The following TAF1B variants were observed in gnomAD, a reference collection of about 807,000 sequenced individuals.
TAF1B encodes TATA box-binding protein-associated factor RNA polymerase I subunit B.
Under a neutral mutation model 83.9 loss-of-function variants are expected in TAF1B, and 61 were observed. That is an observed-to-expected ratio of 0.73 (90% CI 0.59 to 0.90). TAF1B has a LOEUF of 0.90. Among genes scored for constraint, TAF1B ranks in the 40% least tolerant of loss-of-function variants. The pLI is 0.00. For missense variants in TAF1B, 625 were observed against 677.0 expected (o/e 0.92, Z 0.85); for synonymous variants, 221 against 224.6 (o/e 0.98, Z 0.14).
intron 5 of TAF1B, among the ~76,000 whole-genome samples, chr2:9,856,387 T>G (rs570575423): frequency 6.6e-6 from 1 of 151,800 alleles, no homozygotes; most frequent in East Asian, 1.9e-4. Flanking sequence ...TTAAATAAAC[T>G]CAAGAGAAAT....
intron 8 of TAF1B, among the ~76,000 whole-genome samples, chr2:9,897,987 C>T (rs1039384161): frequency 6.6e-6 from 1 of 151,474 alleles, no homozygotes; most frequent in African/African-American, 2.4e-5. Context: ...AACCCCCCAC[C>T]CCGCCCCCAG....
chr2:9,926,051 C>A (rs1189590362), intron 14 of TAF1B, among the ~76,000 whole-genome samples: 1 of 151,498 alleles, frequency 6.6e-6, no homozygotes, highest in Non-Finnish European at 1.5e-5. Context: ...ATAAAGAACC[C>A]CCCGTCTCTG....
intron 8 of TAF1B, among the ~76,000 whole-genome samples, chr2:9,887,889 G>C (rs1160226269): frequency 6.6e-6 from 1 of 151,466 alleles, no homozygotes; most frequent in Non-Finnish European, 1.5e-5. Flanking sequence ...GTCTTATTCT[G>C]TCACCCAGAC....
chr2:9,918,991 A>G (rs1558267161), intron 12 of TAF1B, 50 bp from the exon 13 acceptor site: 1 of 1,450,860 alleles, frequency 6.9e-7, no homozygotes, highest in Admixed American at 1.8e-5. Flanking sequence ...CAATGTGTTT[A>G]TGTCCGTTTC....
At chr2:9,894,124 T>C (rs1242757882) in intron 8 of TAF1B, among the ~76,000 whole-genome samples, 1 of 152,208 alleles carries the variant, frequency 6.6e-6, no homozygotes, top group African/African-American at 2.4e-5. Context: ...AATGCTTCTA[T>C]TTTATTATCT....
intron 14 of TAF1B, among the ~76,000 whole-genome samples, chr2:9,920,845 G>A (rs1398894080): frequency 6.6e-6 from 1 of 152,134 alleles, no homozygotes; most frequent in Non-Finnish European, 1.5e-5. Flanking sequence ...ATTGGGTCTG[G>A]ATAAAATAGG....
rs370063775 is a variant in TAF1B, at chr2:9,854,402, C to A, written c.380C>A (p.Thr127Asn). 1.2e-6 allele frequency: 2 copies of A among 1,613,576 alleles called. No individual in the cohort carries two copies. The highest frequency in any genetic ancestry group is 2.2e-5 in the South Asian group (2 of 91,040). ...KQAYCKNPVY[T>N]TGRKPTVLED... ...GCATATTGTAAGAACCCAGTTTATA[C>A]CACTGGAAGGAAACCTACGGTAAGT... Residue 127 changes from threonine (T) to asparagine (N), a missense_variant, in exon 5 of 15, where the codon ACC (threonine) becomes AAC (asparagine). Thr to Asn is a moderately conservative substitution (Grantham distance 65). Coordinates refer to ENST00000263663, the MANE Select transcript of TAF1B (RefSeq NM_005680.3).
At chr2:9,899,184 T>C (rs188974589) in intron 8 of TAF1B, among the ~76,000 whole-genome samples, 2 of 152,300 alleles carry the variant, frequency 1.3e-5, no homozygotes, top group African/African-American at 4.8e-5. Context: ...TTCCAGCCTC[T>C]GGTAAACACC....
At chr2:9,911,880 C>T (rs1665544207) in intron 11 of TAF1B, among the ~76,000 whole-genome samples, 4 of 152,196 alleles carry the variant, frequency 2.6e-5, no homozygotes, top group Admixed American at 2.6e-4. Context: ...AGCCTTTGCT[C>T]TTGTTGGTCC....
rs528618842 is a variant in TAF1B at position 9,865,955 on chromosome 2, A to G, written c.400-2321A>G. On this transcript the variant is annotated intron_variant, in intron 5 of 14. Coordinates refer to ENST00000263663, the MANE Select transcript of TAF1B (RefSeq NM_005680.3). ...TTAATTCAAGATGGATTAAAGACTT[A>G]CATGTTAGACCTAAAACCATAAAAA... Among the ~76,000 whole-genome samples the G allele has an allele frequency of 1.1e-3, 171 of 151,724 alleles. 1 individual carries two copies. The South Asian group carries it at 0.012, about 11-fold the overall frequency.
intron 8 of TAF1B, among the ~76,000 whole-genome samples, chr2:9,890,390 T>C (rs540158920): frequency 6.6e-6 from 1 of 152,350 alleles, no homozygotes; most frequent in African/African-American, 2.4e-5. Flanking sequence ...CATTTAGAAA[T>C]AGAGTCAGTA....
chr2:9,919,772 T>C lies in TAF1B; in HGVS notation c.1517T>C (p.Leu506Pro). 6.2e-7 allele frequency: 1 copy of C among 1,614,200 alleles called. No individual in the cohort carries two copies. The highest frequency in any genetic ancestry group is 8.5e-7 in the Non-Finnish European group (1 of 1,180,022). The change falls in exon 14 of 15, where the codon CTG (leucine) becomes CCG (proline). Residue 506 changes from leucine (L) to proline (P), a missense_variant. Transcript: ENST00000263663. ...GVLKEKGQSL[L>P]TKNSLYWLST... ...CTGAAAGAGAAAGGCCAATCACTGCTGACTAAGAATTCATTATATTGGCTT... is the reference window on the plus strand; with the variant it reads ...CTGAAAGAGAAAGGCCAATCACTGCCGACTAAGAATTCATTATATTGGCTT...
intron 14 of TAF1B, among the ~76,000 whole-genome samples, chr2:9,922,664 A>G (rs902501408): frequency 6.6e-6 from 1 of 151,984 alleles, no homozygotes; most frequent in Non-Finnish European, 1.5e-5. Flanking sequence ...TTGCTTATTT[A>G]TCCATCTCCC....
Position 9,851,631 on chromosome 2 carries a change from A to G in TAF1B, c.296A>G (p.Glu99Gly). The change falls in exon 4 of 15, where the codon GAG (glutamate) becomes GGG (glycine). Residue 99 changes from glutamate (E) to glycine (G), a missense_variant. By Grantham distance (98) the Glu-to-Gly change is moderately conservative. Transcript: ENST00000263663. Reference sequence around the variant, plus strand: ...TTAAAGAACCTTGGAGTAGGCCCAGAGTTAAAGGTAAGTACATTTGTGACT... The same window carrying G: ...TTAAAGAACCTTGGAGTAGGCCCAGGGTTAAAGGTAAGTACATTTGTGACT... ...EALKNLGVGP[E>G]LKNDVLHNFW... 1 of 1,608,810 alleles carries G rather than the reference A, an allele frequency of 6.2e-7. No individual in the cohort carries two copies. Among genetic ancestry groups the G allele is most frequent in the Non-Finnish European group, 8.5e-7 (1 of 1,178,380 alleles).
chr2:9,884,512 G>A (rs761575305), intron 8 of TAF1B, among the ~76,000 whole-genome samples: 8 of 152,246 alleles, frequency 5.3e-5, no homozygotes, highest in African/African-American at 1.7e-4. Flanking sequence ...TTGAGCGACA[G>A]AACAGCTCAG....
At chr2:9,878,111 GT>G (rs1372879276) in intron 7 of TAF1B, among the ~76,000 whole-genome samples, 5 of 152,082 alleles carry the variant, frequency 3.3e-5, no homozygotes. Context: ...TTGGGAACTG[GT>G]TCGAAATGTG....
chr2:9,849,501 C>T, intron 3 of TAF1B, 41 bp downstream of exon 3: 1 of 1,378,480 alleles, frequency 7.3e-7, no homozygotes, highest in Non-Finnish European at 9.7e-7. Context: ...TCTTTATTCA[C>T]ATCTTTCACC....
At chr2:9,856,203 C>T (rs938038906) in intron 5 of TAF1B, among the ~76,000 whole-genome samples, 1 of 151,634 alleles carries the variant, frequency 6.6e-6, no homozygotes, top group African/African-American at 2.4e-5. Context: ...TGATACCAAT[C>T]CTAAGAATGA....
intron 6 of TAF1B, among the ~76,000 whole-genome samples, chr2:9,871,542 A>G (rs1040475462): frequency 1.3e-5 from 2 of 151,844 alleles, no homozygotes; most frequent in African/African-American, 4.8e-5. Context: ...GCCTGACTTG[A>G]TTGTTTTGGC....
Sources: gnomAD v4.1 joint callset for allele counts (sites outside exome capture counted in the v4.1 genomes callset) on GRCh38, gnomAD v4.1.1 for gene constraint, MANE v1.5 for transcripts, NCBI Gene and HGNC (gene_info 2026-07-23, HGNC 2026-07-21) for gene names.